Variants in NCK1 observed in about 807,000 individuals in gnomAD.
NCK1 encodes the protein SH2/SH3 adapter protein NCK1.
Under a neutral mutation model 36.6 loss-of-function variants are expected in NCK1, and 19 were observed. That is an observed-to-expected ratio of 0.52 (90% CI 0.36 to 0.76). The LOEUF (loss-of-function observed/expected upper bound fraction) is 0.76, where lower values mean the gene tolerates loss of function less well. NCK1 is among the 30% of genes least tolerant of loss of function. NCK1 has a pLI of 0.00. For synonymous variants in NCK1, 165 were observed against 156.0 expected, an observed-to-expected ratio of 1.06 and a Z score of -0.43; for missense variants, 358 against 445.6, an observed-to-expected ratio of 0.80 and a Z score of 1.77.
chr3:136,893,146 T>TTGTGTGTG (rs1430611735), intron 1 of NCK1, among the ~76,000 whole-genome samples: 1 of 81,664 alleles, frequency 1.2e-5, no homozygotes, highest in Non-Finnish European at 2.6e-5. Context: ...TAATATTCCA[T>TTGTGTGTG]AGTGTGTGTG....
intron 2 of NCK1, among the ~76,000 whole-genome samples, chr3:136,930,147 T>C (rs918554462): frequency 1.3e-5 from 2 of 152,186 alleles, no homozygotes; most frequent in Admixed American, 1.3e-4. Flanking sequence ...TATCCCTTTT[T>C]GGTAACTTAA....
chr3:136,873,535 C>T (rs977885229), intron 1 of NCK1, among the ~76,000 whole-genome samples: 2 of 151,978 alleles, frequency 1.3e-5, no homozygotes, highest in East Asian at 1.9e-4. Flanking sequence ...GTTAAGACTT[C>T]GGGGGACTGT....
At chr3:136,903,228 T>C (rs561084137) in intron 1 of NCK1, among the ~76,000 whole-genome samples, 1 of 152,316 alleles carries the variant, frequency 6.6e-6, no homozygotes, top group Admixed American at 6.5e-5. Flanking sequence ...TTTTACTGTT[T>C]TTGACTTAAA....
At position 136,927,981 on chromosome 3, in the gene NCK1, C is replaced by G. The variant is rs773648764; in HGVS notation, c.-18-3C>G. 5.1e-6 allele frequency: 8 copies of G among 1,570,744 alleles called. No homozygotes were observed. The highest frequency in any genetic ancestry group is 7.0e-6 in the Non-Finnish European group (8 of 1,141,590). ...CATAAAAATATTTTCCATGTGTTTA[C>G]AGTGCTGAAGCTGCTGAAAGATGGC... On this transcript the variant is annotated splice_polypyrimidine_tract_variant and splice_region_variant and intron_variant, in intron 1 of 3. Coordinates refer to ENST00000481752, the MANE Select transcript of NCK1 (RefSeq NM_001291999.2).
chr3:136,873,342 AAC>A (rs1156689888), intron 1 of NCK1, among the ~76,000 whole-genome samples: 1 of 152,144 alleles, frequency 6.6e-6, no homozygotes, highest in Non-Finnish European at 1.5e-5. Flanking sequence ...AGAGGCCTTT[AAC>A]ACCTTTGTTC....
intron 2 of NCK1, among the ~76,000 whole-genome samples, chr3:136,937,871 C>G (rs1345320470): frequency 6.6e-6 from 1 of 151,908 alleles, no homozygotes; most frequent in Non-Finnish European, 1.5e-5. Flanking sequence ...TTTATAAGAT[C>G]ATGTCATCTG....
At chr3:136,925,526 C>T (rs1200167260) in intron 1 of NCK1, among the ~76,000 whole-genome samples, 1 of 152,130 alleles carries the variant, frequency 6.6e-6, no homozygotes, top group Non-Finnish European at 1.5e-5. Flanking sequence ...CCTCCTGTTC[C>T]TGCTGCCCCG....
chr3:136,862,564 G>A (rs1938256360), intron 1 of NCK1, among the ~76,000 whole-genome samples: 1 of 152,254 alleles, frequency 6.6e-6, no homozygotes, highest in Non-Finnish European at 1.5e-5. Context: ...GAGACCCTCG[G>A]GCCGTTGCCC....
intron 1 of NCK1, among the ~76,000 whole-genome samples, chr3:136,922,034 C>T (rs1228715855): frequency 1.3e-5 from 2 of 152,192 alleles, no homozygotes; most frequent in Non-Finnish European, 2.9e-5. Context: ...CTGCCTGCCT[C>T]GGCCTCCCAA....
intron 1 of NCK1, among the ~76,000 whole-genome samples, chr3:136,889,653 G>C (rs1331459491): frequency 6.6e-6 from 1 of 152,002 alleles, no homozygotes; most frequent in Admixed American, 6.6e-5. Context: ...GGCACTGATT[G>C]GTGCGTTTAC....
At chr3:136,876,991 A>T (rs1167098349) in intron 1 of NCK1, among the ~76,000 whole-genome samples, 1 of 152,214 alleles carries the variant, frequency 6.6e-6, no homozygotes, top group Non-Finnish European at 1.5e-5. Context: ...CTGTGTTATC[A>T]TTCTTTCTAA....
At chr3:136,941,284 C>T (rs911625594) in intron 2 of NCK1, among the ~76,000 whole-genome samples, 2 of 151,678 alleles carry the variant, frequency 1.3e-5, no homozygotes, top group African/African-American at 4.8e-5. Flanking sequence ...TGCCACGATG[C>T]CTGGCTAATT....
At chr3:136,932,312 A>C (rs547549219) in intron 2 of NCK1, among the ~76,000 whole-genome samples, 1 of 152,144 alleles carries the variant, frequency 6.6e-6, no homozygotes, top group African/African-American at 2.4e-5. Flanking sequence ...GCAACCCCAA[A>C]TTTTTATTTA....
chr3:136,902,198 T>TTTTTTTTTTTTTTTTTTTTTTTG (rs1939561830), intron 1 of NCK1, among the ~76,000 whole-genome samples: 21 of 131,528 alleles, frequency 1.6e-4, no homozygotes, highest in Non-Finnish European at 2.4e-4. Flanking sequence ...TTTTTTTTTT[T>TTTTTTTTTTTTTTTTTTTTTTTG]TTTTGTTTTT....
At chr3:136,884,448 T>G (rs370876910) in intron 1 of NCK1, among the ~76,000 whole-genome samples, 48 of 152,280 alleles carry the variant, frequency 3.2e-4, no homozygotes, top group East Asian at 1.3e-3. Context: ...TTCTTGTCTT[T>G]TCTTTTTTTT....
chr3:136,944,111 CCTTTTTTTTTTTTT>C lies in NCK1; in HGVS notation c.227-1471_227-1458del, dbSNP rs1228121957. Among the ~76,000 whole-genome samples the C allele has an allele frequency of 2.9e-3, 238 of 80,930 alleles. 6 individuals carry two copies. Among genetic ancestry groups the C allele is most frequent in the African/African-American group, 0.011 (197 of 17,462 alleles). The allele number at this position is 80,930 out of a possible 152,430, so 53.1% of individuals were successfully genotyped here. ...AAAGTCGAGGGAAAAGGAAAAACAA[CCTTTTTTTTTTTTT>C]TTTTTTTTTTTTGAGACAGAGTCTT... On this transcript the variant is annotated intron_variant, in intron 2 of 3. Coordinates refer to ENST00000481752, the MANE Select transcript of NCK1 (RefSeq NM_001291999.2).
chr3:136,879,374 A>G (rs1176710128), intron 1 of NCK1, among the ~76,000 whole-genome samples: 1 of 152,194 alleles, frequency 6.6e-6, no homozygotes, highest in Non-Finnish European at 1.5e-5. Flanking sequence ...GAGAGGCTCT[A>G]TGGGTATCCT....
intron 1 of NCK1, among the ~76,000 whole-genome samples, chr3:136,879,444 A>T (rs1470768805): frequency 6.6e-6 from 1 of 152,148 alleles, no homozygotes; most frequent in Non-Finnish European, 1.5e-5. Flanking sequence ...GAAAATGGAG[A>T]CCACACCAAT....
At chr3:136,944,052 C>A (rs1940742843) in intron 2 of NCK1, among the ~76,000 whole-genome samples, 1 of 143,210 alleles carries the variant, frequency 7.0e-6, no homozygotes, top group Non-Finnish European at 1.5e-5. Context: ...GACAAAGGAT[C>A]AGATAATAAA....
Sources: allele counts gnomAD v4.1 joint callset (sites outside exome capture counted in the v4.1 genomes callset), GRCh38; gene constraint gnomAD v4.1.1; transcripts MANE v1.5; gene names NCBI Gene and HGNC (gene_info 2026-07-23, HGNC 2026-07-21).